ADAMTS9: variants seen among roughly 807,000 people sequenced by gnomAD.
The protein encoded by ADAMTS9 is A disintegrin and metalloproteinase with thrombospondin motifs 9.
Under a neutral mutation model 257.1 loss-of-function variants are expected in ADAMTS9, and 107 were observed. That is an observed-to-expected ratio of 0.42 (90% confidence interval 0.36 to 0.49). ADAMTS9 has a LOEUF of 0.49. Among genes scored for constraint, ADAMTS9 ranks in the 20% least tolerant of loss-of-function variants. The pLI is 0.03. For synonymous variants in ADAMTS9, 982 were observed against 880.9 expected, an observed-to-expected ratio of 1.11 and a Z score of -2.03; for missense variants, 2,353 against 2,469.1, an observed-to-expected ratio of 0.95 and a Z score of 1.00.
In ADAMTS9 at chr3:64,641,902, G is replaced by C; in HGVS notation, c.1802C>G (p.Ser601Cys). ...TTTGATGCCCCCTCCACATGTTCTGGAGCAGGTTCCAAAGGGACTCCAACT... is the reference window on the plus strand; with the variant it reads ...TTTGATGCCCCCTCCACATGTTCTGCAGCAGGTTCCAAAGGGACTCCAACT... ...WGSWSPFGTC[S>C]RTCGGGIKTA... The change falls in exon 12 of 40, where the codon TCC (serine) becomes TGC (cysteine). Residue 601 changes from serine (S) to cysteine (C), a missense_variant. Physicochemically the swap from Ser to Cys is moderately radical, Grantham distance 112. This residue lies in a region of ADAMTS9 where 360 missense variants were observed against 458.1 expected (regional missense o/e 0.79). Coordinates refer to ENST00000498707, the MANE Select transcript of ADAMTS9 (RefSeq NM_182920.2). 1.9e-6 allele frequency: 3 copies of C among 1,614,068 alleles called. No individual in the cohort carries two copies. The highest frequency in any genetic ancestry group is 2.5e-6 in the Non-Finnish European group (3 of 1,180,002).
At chr3:64,521,661 C>A (rs1042211085) in intron 39 of ADAMTS9, 3 of 152,228 alleles carry the variant, frequency 2.0e-5, no homozygotes, top group South Asian at 2.1e-4. Context: ...CAGCTGGAGG[C>A]AATTTTCCTA....
intron 28 of ADAMTS9, chr3:64,589,716 G>A (rs988931124): frequency 6.6e-6 from 1 of 152,158 alleles, no homozygotes; most frequent in African/African-American, 2.4e-5. Flanking sequence ...ACTGCAAAAA[G>A]GAGGCTCAGG....
rs73124213 is a variant in ADAMTS9 at position 64,639,660 on chromosome 3, C to T, written c.1856+2188G>A. Among the ~76,000 whole-genome samples, 1,105 of 152,238 alleles carry T rather than the reference C, an allele frequency of 7.3e-3. 18 individuals carry two copies. The highest frequency in any genetic ancestry group is 0.059 in the South Asian group (286 of 4,820). ...GTGGTCACTGTTTGCAATATCCATA[C>T]CCTCATGATAGCATTTACTATAAAC... is the stretch of plus-strand genomic sequence containing the variant. On this transcript the variant is annotated intron_variant, in intron 12 of 39. Transcript: ENST00000498707.
chr3:64,655,633 T>G lies in ADAMTS9; in HGVS notation c.1112A>C (p.Gln371Pro). 1.2e-6 allele frequency: 2 copies of G among 1,614,208 alleles called. 1 individual carries two copies. Among genetic ancestry groups the G allele is most frequent in the Middle Eastern group, 3.3e-4 (2 of 6,062 alleles). Residue 371 changes from glutamine (Q) to proline (P), a missense_variant, in exon 6 of 40, where the codon CAG becomes CCG. This residue lies in a region of ADAMTS9 where 591 missense variants were observed against 569.6 expected (regional missense o/e 1.04). Transcript: ENST00000498707. ...QTTLKNFCQW[Q>P]HSKNSPGGIH... Reference sequence around the variant, plus strand: ...TCCACCTGGACTGTTCTTCGAATGCTGCCACTGGCAAAAGTTTTTTAATGT... The same window carrying G: ...TCCACCTGGACTGTTCTTCGAATGCGGCCACTGGCAAAAGTTTTTTAATGT...
intron 26 of ADAMTS9, among the ~76,000 whole-genome samples, chr3:64,600,274 A>G (rs1414371148): frequency 6.6e-6 from 1 of 152,148 alleles, no homozygotes; most frequent in Non-Finnish European, 1.5e-5. Flanking sequence ...GATGACGTAC[A>G]TCCTTCATCT....
intron 28 of ADAMTS9, among the ~76,000 whole-genome samples, chr3:64,570,103 T>C (rs1223108895): frequency 1.6e-4 from 24 of 152,140 alleles, no homozygotes; most frequent in Non-Finnish European, 3.4e-4. Flanking sequence ...GAAAAGAAAA[T>C]AATATAAGGG....
intron 28 of ADAMTS9, among the ~76,000 whole-genome samples, chr3:64,574,697 C>T (rs568562381): frequency 1.3e-4 from 19 of 150,790 alleles, no homozygotes; most frequent in Non-Finnish European, 2.2e-4. Context: ...TGCTACTGCA[C>T]TCCAGCCTGG....
At chr3:64,646,783 T>C in intron 11 of ADAMTS9, among the ~76,000 whole-genome samples, 2 of 152,326 alleles carry the variant, frequency 1.3e-5, no homozygotes, top group Non-Finnish European at 2.9e-5. Context: ...AGGAGCTCAG[T>C]GAGCTTCAGT....
chr3:64,686,678 G>C lies in ADAMTS9; in HGVS notation c.406C>G (p.Gln136Glu), dbSNP rs781433402. 2.2e-5 allele frequency: 35 copies of C among 1,614,074 alleles called. No homozygotes were observed. Among genetic ancestry groups the C allele is most frequent in the Non-Finnish European group, 1.8e-5 (21 of 1,180,052 alleles). ...VTLLGTPGVN[Q>E]TKFYSEEEAE... is the part of the protein sequence containing the mutation. The stretch of plus-strand genomic sequence containing the variant: ...TCCTCTTCGGAATAAAACTTGGTCT[G>C]ATTCACCCCGGGCGTCCCGAGGAGG... The change falls in exon 2 of 40, where the codon CAG becomes GAG. Residue 136 changes from glutamine to glutamate, a missense_variant. Transcript: ENST00000498707. The surrounding 1 kb of genome is among the most constrained non-coding windows in gnomAD (Gnocchi z 4.6).
chr3:64,578,170 C>G (rs60831751), intron 28 of ADAMTS9, among the ~76,000 whole-genome samples: 1 of 152,250 alleles, frequency 6.6e-6, no homozygotes, highest in Admixed American at 6.5e-5. Flanking sequence ...AAATTAGATG[C>G]TCATCCTCCA....
intron 28 of ADAMTS9, chr3:64,586,763 A>G (rs1344148425): frequency 6.6e-6 from 1 of 152,178 alleles, no homozygotes; most frequent in Admixed American, 6.6e-5. Context: ...ATTTACAGTC[A>G]TGGAGGAGAG....
chr3:64,635,088 T>C (rs747111891), intron 12 of ADAMTS9, among the ~76,000 whole-genome samples: 3 of 152,176 alleles, frequency 2.0e-5, no homozygotes, highest in Non-Finnish European at 2.9e-5. Flanking sequence ...ATGTCAACAC[T>C]GCCCAATCTA....
At chr3:64,548,599 G>GT (rs1215385552) in intron 31 of ADAMTS9, among the ~76,000 whole-genome samples, 2 of 151,674 alleles carry the variant, frequency 1.3e-5, no homozygotes, top group Admixed American at 1.3e-4. Flanking sequence ...ATTTATGTGG[G>GT]GGGGAGCCCA....
chr3:64,617,795 G>C (rs991375170), intron 19 of ADAMTS9, among the ~76,000 whole-genome samples: 19 of 152,214 alleles, frequency 1.2e-4, no homozygotes, highest in Non-Finnish European at 2.6e-4. Context: ...GAGATTCTTG[G>C]TAAGTCTTGT....
chr3:64,660,258 A>T (rs189852890), intron 3 of ADAMTS9, among the ~76,000 whole-genome samples: 1 of 152,342 alleles, frequency 6.6e-6, no homozygotes, highest in Non-Finnish European at 1.5e-5. Flanking sequence ...ACCAAAGGTA[A>T]AAATAAAAAT....
At chr3:64,658,109 T>G (rs963470415) in intron 4 of ADAMTS9, among the ~76,000 whole-genome samples, 1 of 152,170 alleles carries the variant, frequency 6.6e-6, no homozygotes, top group Admixed American at 6.5e-5. Flanking sequence ...TTTTCGGAAC[T>G]GGACAAGCTA....
chr3:64,599,697 C>A (rs1168256508), intron 26 of ADAMTS9, among the ~76,000 whole-genome samples: 1 of 152,178 alleles, frequency 6.6e-6, no homozygotes, highest in Non-Finnish European at 1.5e-5. Context: ...CAGAAACTCT[C>A]TAAAGAAATT....
chr3:64,647,821 T>C (rs999310477), intron 11 of ADAMTS9, 119 bp downstream of exon 11: 9 of 782,258 alleles, frequency 1.2e-5, no homozygotes, highest in Non-Finnish European at 1.7e-5. Context: ...CTAAAAAATA[T>C]TATGCAAGCT....
chr3:64,520,882 C>G (rs2082843543), intron 39 of ADAMTS9, among the ~76,000 whole-genome samples: 1 of 151,986 alleles, frequency 6.6e-6, no homozygotes, highest in African/African-American at 2.4e-5. Flanking sequence ...TGAACATTGG[C>G]CTAGGCAAAC....
Sources: gnomAD v4.1 joint callset for allele counts (sites outside exome capture counted in the v4.1 genomes callset) on GRCh38, gnomAD v4.1.1 for gene constraint, gnomAD v4.1.1 regional missense constraint, Gnocchi (gnomAD v3.1) non-coding constraint, MANE v1.5 for transcripts, NCBI Gene and HGNC (gene_info 2026-07-23, HGNC 2026-07-21) for gene names.